Variants in CDH13 observed in about 807,000 individuals in gnomAD.
CDH13 encodes the protein cadherin 13.
CDH13 carries 24 observed loss-of-function variants against 63.8 expected under a neutral mutation model. The ratio of observed to expected loss-of-function variants is 0.38; its 90% CI spans 0.27 to 0.53. CDH13 has a LOEUF of 0.53. CDH13 is among the 20% of genes least tolerant of loss of function. The pLI is 0.85. For missense variants in CDH13, 1,049 were observed against 903.1 expected, an observed-to-expected ratio of 1.16 and a Z score of -2.07; for synonymous variants, 503 against 355.3, an observed-to-expected ratio of 1.42 and a Z score of -4.67.
At chr16:83,137,674 G>A (rs1597398150) in intron 4 of CDH13, among the ~76,000 whole-genome samples, 1 of 152,100 alleles carries the variant, frequency 6.6e-6, no homozygotes, top group South Asian at 2.1e-4. Flanking sequence ...ATCACTGCCC[G>A]TTTTTCTCAG....
At chr16:83,398,497 T>G (rs540715122) in intron 6 of CDH13, among the ~76,000 whole-genome samples, 2 of 152,326 alleles carry the variant, frequency 1.3e-5, no homozygotes, top group African/African-American at 4.8e-5. Flanking sequence ...TGGTCTCATC[T>G]CATCTTGAGA....
At chr16:83,147,903 G>T (rs370878559) in intron 4 of CDH13, among the ~76,000 whole-genome samples, 1 of 152,054 alleles carries the variant, frequency 6.6e-6, no homozygotes, top group East Asian at 1.9e-4. Flanking sequence ...TGAAGGTAAG[G>T]AGCCAGCAGG....
chr16:83,537,929 A>G (rs1029943482), intron 7 of CDH13, among the ~76,000 whole-genome samples: 2 of 152,170 alleles, frequency 1.3e-5, no homozygotes, highest in Admixed American at 1.3e-4. Context: ...TAGGAATTTA[A>G]TTTTGTTGTC....
At chr16:83,413,866 C>T (rs1182629734) in intron 6 of CDH13, among the ~76,000 whole-genome samples, 1 of 152,090 alleles carries the variant, frequency 6.6e-6, no homozygotes, top group Non-Finnish European at 1.5e-5. Context: ...TGGGCACACA[C>T]CTGTAATCTC....
chr16:83,422,838 C>T (rs902176715), intron 6 of CDH13, among the ~76,000 whole-genome samples: 2 of 152,080 alleles, frequency 1.3e-5, no homozygotes, highest in African/African-American at 4.8e-5. Context: ...AGAAAAGTGC[C>T]TGGGACACAA....
intron 3 of CDH13, among the ~76,000 whole-genome samples, chr16:83,066,245 G>A (rs777051828): frequency 3.9e-5 from 6 of 152,180 alleles, no homozygotes; most frequent in Non-Finnish European, 5.9e-5. Context: ...AGCTCTAGGG[G>A]AATCAGTTTC....
At chr16:83,435,610 T>G (rs994479609) in intron 6 of CDH13, among the ~76,000 whole-genome samples, 2 of 152,194 alleles carry the variant, frequency 1.3e-5, no homozygotes, top group Non-Finnish European at 2.9e-5. Context: ...TCTCAGGGTC[T>G]TTGTTCATAC....
intron 9 of CDH13, among the ~76,000 whole-genome samples, chr16:83,676,319 G>A (rs1296116180): frequency 6.6e-6 from 1 of 152,156 alleles, no homozygotes; most frequent in Non-Finnish European, 1.5e-5. Flanking sequence ...GTGCTGGTGT[G>A]GGGTGGAAAT....
intron 10 of CDH13, among the ~76,000 whole-genome samples, chr16:83,733,770 G>T (rs1011792265): frequency 3.9e-5 from 6 of 152,116 alleles, no homozygotes; most frequent in African/African-American, 9.7e-5. Flanking sequence ...TGACATCCCA[G>T]TTTGCTCTCC....
At chr16:83,368,884 TTATATATATATATATATA>T (rs150563585) in intron 6 of CDH13, among the ~76,000 whole-genome samples, 545 of 47,682 alleles carry the variant, frequency 0.011, 10 homozygotes, top group Non-Finnish European at 0.024. Flanking sequence ...GTATTCCATG[TTATATATATATATATATA>T]TATATATATA....
intron 6 of CDH13, among the ~76,000 whole-genome samples, chr16:83,459,035 A>G (rs7185723): frequency 0.43 from 65,621 of 152,176 alleles, 14,369 homozygotes; most frequent in Middle Eastern, 0.54. Context: ...CAACAAACAC[A>G]CTTGTTTTCC....
At chr16:83,361,180 A>ATGAT (rs1237652695) in intron 6 of CDH13, among the ~76,000 whole-genome samples, 1 of 152,096 alleles carries the variant, frequency 6.6e-6, no homozygotes, top group Admixed American at 6.6e-5. Context: ...CGTTTCCCTG[A>ATGAT]TGATTAGTGA....
chr16:83,610,706 C>G (rs192410519), intron 8 of CDH13, among the ~76,000 whole-genome samples: 23 of 152,316 alleles, frequency 1.5e-4, no homozygotes, highest in Middle Eastern at 3.4e-3. Context: ...TTTACTCCTT[C>G]ATCCTACTAC....
intron 2 of CDH13, chr16:82,884,171 C>T: frequency 2.2e-6 from 1 of 455,670 alleles, no homozygotes; most frequent in South Asian, 1.6e-5. Flanking sequence ...CTGTTTCTTT[C>T]CAACATAATA....
chr16:83,177,695 G>A (rs60585710), intron 4 of CDH13, among the ~76,000 whole-genome samples: 1 of 152,120 alleles, frequency 6.6e-6, no homozygotes, highest in African/African-American at 2.4e-5. Flanking sequence ...ACCCACGCCT[G>A]TTACTCAAAA....
chr16:83,219,623 C>A (rs1187343824), intron 5 of CDH13, among the ~76,000 whole-genome samples: 1 of 151,988 alleles, frequency 6.6e-6, no homozygotes, highest in Non-Finnish European at 1.5e-5. Context: ...AAGTGAAAAC[C>A]CAAAGGATTC....
intron 11 of CDH13, among the ~76,000 whole-genome samples, chr16:83,752,901 C>A (rs1368838686): frequency 6.6e-6 from 1 of 152,178 alleles, no homozygotes; most frequent in Non-Finnish European, 1.5e-5. Flanking sequence ...CAGGAATGAT[C>A]CTTCCATGAC....
chr16:82,814,737 C>G (rs899506287), intron 1 of CDH13, among the ~76,000 whole-genome samples: 18 of 151,980 alleles, frequency 1.2e-4, no homozygotes, highest in African/African-American at 4.1e-4. Context: ...TAATAGAAGT[C>G]AAAGAGGGGG....
intron 1 of CDH13, among the ~76,000 whole-genome samples, chr16:82,723,469 G>C (rs1479823048): frequency 6.6e-6 from 1 of 152,108 alleles, no homozygotes; most frequent in Non-Finnish European, 1.5e-5. Context: ...GTGGGATGTG[G>C]GATGATGTAA....
Sources: gnomAD v4.1 joint callset for allele counts (sites outside exome capture counted in the v4.1 genomes callset) on GRCh38, gnomAD v4.1.1 for gene constraint, MANE v1.5 for transcripts, NCBI Gene and HGNC (gene_info 2026-07-23, HGNC 2026-07-21) for gene names.